Variants in SLCO3A1 observed in about 807,000 individuals in gnomAD.
SLCO3A1 encodes solute carrier organic anion transporter family member 3A1.
In SLCO3A1, 27 loss-of-function variants were observed where a neutral mutation model predicts 63.1. The ratio of observed to expected loss-of-function variants is 0.43; its 90% confidence interval spans 0.32 to 0.59. The LOEUF is 0.59. Among genes scored for constraint, SLCO3A1 ranks in the 20% least tolerant of loss-of-function variants. The probability of loss-of-function intolerance (pLI) is 0.09; values close to 1 mark genes in which losing one functional copy is unlikely to be tolerated. For missense variants in SLCO3A1, 773 were observed against 945.8 expected (o/e 0.82, Z 2.40); for synonymous variants, 473 against 409.9 (o/e 1.15, Z -1.86).
chr15:92,161,049 G>GCTCTAGGA (rs2048430638), intron 9 of SLCO3A1, among the ~76,000 whole-genome samples: 1 of 152,120 alleles, frequency 6.6e-6, no homozygotes, highest in Non-Finnish European at 1.5e-5. Flanking sequence ...AAATTCAGAT[G>GCTCTAGGA]CTCTAGGACT....
At chr15:92,096,597 G>A (rs1164429630) in intron 3 of SLCO3A1, among the ~76,000 whole-genome samples, 1 of 152,148 alleles carries the variant, frequency 6.6e-6, no homozygotes, top group African/African-American at 2.4e-5. Context: ...TGCTTCTCAT[G>A]CCGATCTATC....
At chr15:91,945,307 A>G (rs1597144776) in intron 2 of SLCO3A1, among the ~76,000 whole-genome samples, 2 of 149,110 alleles carry the variant, frequency 1.3e-5, no homozygotes, top group South Asian at 2.1e-4. Flanking sequence ...ATACCATTGC[A>G]CTTCAACCTG....
In SLCO3A1 at chr15:92,165,303, A is replaced by T; in HGVS notation, c.*2168A>T. On this transcript the variant is annotated 3_prime_UTR_variant, in exon 10 of 10. Transcript: ENST00000318445. ...CAGTACGTTAACTACTAAAGGGGAG[A>T]TGGTTCTCCAACCACTTCATAAAAT... The T allele has an allele frequency of 1.0e-6, 1 of 985,220 alleles. No homozygotes were observed. Among genetic ancestry groups the T allele is most frequent in the Non-Finnish European group, 1.2e-6 (1 of 829,752 alleles). 61.0% of individuals were successfully genotyped at this position (985,220 alleles called of 1,614,324 possible). A position where few individuals can be genotyped will look rare whatever the true frequency, so the allele number is the denominator to read the frequency against.
At chr15:92,034,017 T>C (rs2046690801) in intron 2 of SLCO3A1, among the ~76,000 whole-genome samples, 1 of 146,666 alleles carries the variant, frequency 6.8e-6, no homozygotes, top group Admixed American at 6.8e-5. Flanking sequence ...TGGTGACCAT[T>C]GGGCTGATCT....
At chr15:91,911,650 G>A (rs182111701) in intron 1 of SLCO3A1, among the ~76,000 whole-genome samples, 293 of 151,070 alleles carry the variant, frequency 1.9e-3, no homozygotes, top group Middle Eastern at 0.01. Flanking sequence ...TTTTTGAGAC[G>A]GAGTCTTGCT....
intron 2 of SLCO3A1, among the ~76,000 whole-genome samples, chr15:92,035,700 G>C (rs1172615928): frequency 6.6e-6 from 1 of 151,738 alleles, no homozygotes; most frequent in Non-Finnish European, 1.5e-5. Flanking sequence ...CTTTGCAGAG[G>C]CTCTTCCCTG....
At chr15:92,128,559 G>T in intron 7 of SLCO3A1, 70 bp downstream of exon 7, 1 of 1,443,346 alleles carries the variant, frequency 6.9e-7, no homozygotes, top group Admixed American at 2.2e-5. Context: ...CCAAGTTTTT[G>T]CCCAGGTTGT....
At chr15:91,980,839 G>A (rs1374735446) in intron 2 of SLCO3A1, among the ~76,000 whole-genome samples, 1 of 152,108 alleles carries the variant, frequency 6.6e-6, no homozygotes, top group Non-Finnish European at 1.5e-5. Context: ...CTTTTCCCAG[G>A]TCCGGGAAAG....
rs114613117 is a variant in SLCO3A1 at position 92,006,530 on chromosome 15, C to T, written c.647-88351C>T. 2.6e-3 allele frequency among the ~76,000 whole-genome samples: 394 copies of T among 152,308 alleles called. 1 individual carries two copies. The highest frequency in any genetic ancestry group is 9.1e-3 in the African/African-American group (379 of 41,572). ...TGAGTGCTGGGGTTCATGCTGGTGACTGTTTCCTACTTTGATCTGGCATAT... is the reference window on the plus strand; with the variant it reads ...TGAGTGCTGGGGTTCATGCTGGTGATTGTTTCCTACTTTGATCTGGCATAT... On this transcript the variant is annotated intron_variant, in intron 2 of 9. Coordinates refer to ENST00000318445, the MANE Select transcript of SLCO3A1 (RefSeq NM_013272.4).
At chr15:92,113,272 G>T (rs939051561) in intron 4 of SLCO3A1, among the ~76,000 whole-genome samples, 1 of 152,110 alleles carries the variant, frequency 6.6e-6, no homozygotes, top group Admixed American at 6.5e-5. Context: ...CTGCACCTCT[G>T]CAGACACTTG....
At chr15:92,147,705 A>G (rs1032873830) in intron 8 of SLCO3A1, among the ~76,000 whole-genome samples, 1 of 152,180 alleles carries the variant, frequency 6.6e-6, no homozygotes, top group Non-Finnish European at 1.5e-5. Context: ...ATTCTTGTAC[A>G]AAGAGGTTGC....
chr15:91,972,513 C>T (rs1227202901), intron 2 of SLCO3A1, among the ~76,000 whole-genome samples: 1 of 152,148 alleles, frequency 6.6e-6, no homozygotes, highest in Non-Finnish European at 1.5e-5. Context: ...TCTGGTGGCG[C>T]CTTCTTTTGG....
At position 91,872,416 on chromosome 15, in the gene SLCO3A1, C is replaced by T. The variant is rs1567165314; in HGVS notation, c.180+18328C>T. Among the ~76,000 whole-genome samples, 1 of 151,956 alleles carries T rather than the reference C, an allele frequency of 6.6e-6. No individual in the cohort carries two copies. The highest frequency in any genetic ancestry group is 1.5e-5 in the Non-Finnish European group (1 of 67,996). On this transcript the variant is annotated intron_variant, in intron 1 of 9. Transcript: ENST00000318445. The surrounding 1 kb of genome is among the most constrained non-coding windows in gnomAD (Gnocchi z 4.1). ...GCATGGTGGCAGTTGCCTGTAATCC[C>T]AGCTACTCGGCGGGCTGAGGTAGGA...
intron 7 of SLCO3A1, among the ~76,000 whole-genome samples, chr15:92,144,376 A>C (rs1042638080): frequency 6.6e-6 from 1 of 152,208 alleles, no homozygotes; most frequent in African/African-American, 2.4e-5. Context: ...AGTTATGAGG[A>C]GATGCCCAGA....
intron 2 of SLCO3A1, among the ~76,000 whole-genome samples, chr15:91,980,866 A>C (rs1369212211): frequency 6.6e-6 from 1 of 152,206 alleles, no homozygotes; most frequent in Non-Finnish European, 1.5e-5. Context: ...GTGCACCGTG[A>C]TGCTGAAGAC....
chr15:91,941,444 C>A lies in SLCO3A1; in HGVS notation c.646+24986C>A. The A allele has an allele frequency of 2.3e-6, 1 of 438,310 alleles. No homozygotes were observed. Among genetic ancestry groups the A allele is most frequent in the Non-Finnish European group, 4.6e-6 (1 of 218,238 alleles). The allele number at this position is 438,310 out of a possible 1,614,324, so 27.2% of individuals were successfully genotyped here. ...GCGCTGTCACTCGTTGAGGTGGTGGCCTGGTTCCTTTGGCCTTAGGGAAGG... is the reference window on the plus strand; with the variant it reads ...GCGCTGTCACTCGTTGAGGTGGTGGACTGGTTCCTTTGGCCTTAGGGAAGG... On this transcript the variant is annotated intron_variant, in intron 2 of 9. Coordinates refer to ENST00000318445, the MANE Select transcript of SLCO3A1 (RefSeq NM_013272.4). The surrounding 1 kb of genome is among the most constrained non-coding windows in gnomAD (Gnocchi z 4.4).
chr15:91,919,078 T>C (rs1898755583), intron 2 of SLCO3A1, among the ~76,000 whole-genome samples: 1 of 152,228 alleles, frequency 6.6e-6, no homozygotes, highest in Admixed American at 6.5e-5. Flanking sequence ...CATGCACAGC[T>C]CAGGCTGCAG....
rs573864943 is a variant in SLCO3A1 at position 92,034,014 on chromosome 15, C to A, written c.647-60867C>A. On this transcript the variant is annotated intron_variant, in intron 2 of 9. Coordinates refer to ENST00000318445, the MANE Select transcript of SLCO3A1 (RefSeq NM_013272.4). ...GCAGATCACGTGGAGTCCTGGTGAC[C>A]ATTGGGCTGATCTTGGCTTTTATGC... is the stretch of plus-strand genomic sequence containing the variant. Among the ~76,000 whole-genome samples, 35 of 146,946 alleles carry A rather than the reference C, an allele frequency of 2.4e-4. 1 individual carries two copies. In the South Asian group the frequency reaches 7.4e-3, roughly 31 times the overall value.
chr15:92,038,028 G>T (rs546484502), intron 2 of SLCO3A1, among the ~76,000 whole-genome samples: 6 of 152,194 alleles, frequency 3.9e-5, no homozygotes, highest in Non-Finnish European at 8.8e-5. Context: ...TTACTAAAAT[G>T]ATTTGAAGGT....
Sources: allele counts gnomAD v4.1 joint callset (sites outside exome capture counted in the v4.1 genomes callset), GRCh38; gene constraint gnomAD v4.1.1; non-coding constraint Gnocchi (gnomAD v3.1); transcripts MANE v1.5; gene names NCBI Gene and HGNC (gene_info 2026-07-23, HGNC 2026-07-21).